The following RAB33A variants were observed in gnomAD, a reference collection of about 807,000 sequenced individuals.
RAB33A encodes the protein RAB33A, member RAS oncogene family.
RAB33A carries 6 observed loss-of-function variants against 12.0 expected under a neutral mutation model. The observed-to-expected ratio is 0.50, with a 90% CI of 0.27 to 0.99. The LOEUF (loss-of-function observed/expected upper bound fraction) is 0.99, where lower values mean the gene tolerates loss of function less well. RAB33A is among the 50% of genes least tolerant of loss of function. The pLI is 0.11. For missense variants in RAB33A, 109 were observed against 192.0 expected (o/e 0.57, Z 2.55); for synonymous variants, 70 against 82.4 (o/e 0.85, Z 0.81).
chrX:130,138,389 C>T, the RAB33A span, among the ~76,000 whole-genome samples: 4 of 110,537 alleles, frequency 3.6e-5, no homozygotes, highest in Admixed American at 2.9e-4. Flanking sequence ...GGCCTGAACC[C>T]GGGAAGCGGA....
the RAB33A span, among the ~76,000 whole-genome samples, chrX:130,141,984 CCTT>C: frequency 8.9e-6 from 1 of 111,906 alleles, no homozygotes; most frequent in Non-Finnish European, 1.9e-5. Flanking sequence ...GCACCCTACT[CCTT>C]CTTATGGTTA....
chrX:130,166,169 T>C, the RAB33A span, among the ~76,000 whole-genome samples: 54 of 111,851 alleles, frequency 4.8e-4, no homozygotes, highest in African/African-American at 1.7e-3. Context: ...AGTTACTTGA[T>C]ACCGAAGCCT....
chrX:130,155,038 A>T, the RAB33A span: 5 of 946,030 alleles, frequency 5.3e-6, no homozygotes, highest in Non-Finnish European at 7.5e-6. Context: ...CCTTTAATAA[A>T]CACCTAGAGA....
At chrX:130,140,761 A>T in the RAB33A span, 1 of 507,876 alleles carries the variant, frequency 2.0e-6, no homozygotes, top group Non-Finnish European at 3.5e-6. Flanking sequence ...TTGTGCCACC[A>T]TCACCACTAT....
chrX:130,127,088 G>GA, the RAB33A span, among the ~76,000 whole-genome samples: 1 of 111,400 alleles, frequency 9.0e-6, no homozygotes, highest in Non-Finnish European at 1.9e-5. Flanking sequence ...AAGTCAGGCG[G>GA]AAAGTCAGCC....
the RAB33A span, among the ~76,000 whole-genome samples, chrX:130,111,002 G>T: frequency 2.1e-5 from 2 of 97,422 alleles, no homozygotes; most frequent in Non-Finnish European, 4.2e-5. Flanking sequence ...ACTGCGGGCG[G>T]GCGGGGTGGG....
At chrX:130,131,173 A>T in the RAB33A span, among the ~76,000 whole-genome samples, 3 of 111,393 alleles carry the variant, frequency 2.7e-5, no homozygotes, top group African/African-American at 9.8e-5. Context: ...TGGCACTAAG[A>T]TCTGCCAAAT....
rs185601579 is a variant in RAB33A, at chrX:130,172,883, G to A, written c.258+563G>A. Among the ~76,000 whole-genome samples the A allele has an allele frequency of 1.3e-3, 144 of 112,422 alleles. 1 individual carries two copies. The South Asian group carries it at 0.013, about 10-fold the overall frequency. On this transcript the variant is annotated intron_variant, in intron 1 of 1. Transcript: ENST00000257017. ...AGTTGAGATGGCGGTGGAGTGGGGT[G>A]GTTCTGGCAGAAAGCCATGAGCCCT... is the stretch of plus-strand genomic sequence containing the variant.
chrX:130,138,836 A>G, the RAB33A span: 2 of 483,924 alleles, frequency 4.1e-6, no homozygotes, highest in Non-Finnish European at 7.3e-6. Flanking sequence ...TATAACTTCT[A>G]TGTTATTAAT....
intron 1 of RAB33A, among the ~76,000 whole-genome samples, chrX:130,183,202 C>T (rs1347962841): frequency 9.2e-6 from 1 of 108,668 alleles, no homozygotes; most frequent in Admixed American, 9.8e-5. Context: ...GCCACTGTAC[C>T]TGACCCCACT....
chrX:130,149,898 A>T, the RAB33A span, among the ~76,000 whole-genome samples: 1 of 112,329 alleles, frequency 8.9e-6, no homozygotes, highest in Non-Finnish European at 1.9e-5. Context: ...AAAGTGCTAG[A>T]AAGGGCTAAT....
chrX:130,141,848 CTCAG>C, the RAB33A span, among the ~76,000 whole-genome samples: 5 of 111,981 alleles, frequency 4.5e-5, no homozygotes, highest in African/African-American at 1.6e-4. Flanking sequence ...TCAGCTTTCG[CTCAG>C]TCTGTCTCCT....
chrX:130,170,452 A>C (rs2031592863), upstream of RAB33A, among the ~76,000 whole-genome samples: 1 of 112,528 alleles, frequency 8.9e-6, no homozygotes, highest in African/African-American at 3.2e-5. Context: ...ACCTTAGCTT[A>C]TGAAATATGT....
At chrX:130,167,028 G>A (rs2031544733), upstream of RAB33A, among the ~76,000 whole-genome samples, 3 of 112,338 alleles carry the variant, frequency 2.7e-5, no homozygotes, top group South Asian at 1.1e-3. Flanking sequence ...GCCGGACAGA[G>A]CAAGAGAGAA....
At chrX:130,140,445 A>T in the RAB33A span, 4 of 788,225 alleles carry the variant, frequency 5.1e-6, no homozygotes, top group South Asian at 2.1e-5. Context: ...CCATTTTCTT[A>T]AGTAGTAATG....
At chrX:130,132,566 A>T in the RAB33A span, among the ~76,000 whole-genome samples, 23 of 112,024 alleles carry the variant, frequency 2.1e-4, no homozygotes, top group Admixed American at 1.9e-4. Context: ...TAACTTTTAA[A>T]AACTTTTTAT....
the RAB33A span, among the ~76,000 whole-genome samples, chrX:130,119,204 G>A: frequency 9.0e-6 from 1 of 110,507 alleles, no homozygotes; most frequent in Non-Finnish European, 1.9e-5. Context: ...CAGGGGCTTC[G>A]GTTCCTCCCA....
At chrX:130,154,073 A>G in the RAB33A span, among the ~76,000 whole-genome samples, 6 of 112,734 alleles carry the variant, frequency 5.3e-5, no homozygotes, top group Admixed American at 9.4e-5. Flanking sequence ...AAAACTGTAC[A>G]TAACAGTTCA....
the RAB33A span, among the ~76,000 whole-genome samples, chrX:130,162,850 T>C: frequency 3.8e-4 from 43 of 112,187 alleles, no homozygotes; most frequent in African/African-American, 1.2e-3. Context: ...ATCTAACCTA[T>C]CTGCTCCTCT....
Sources: allele counts gnomAD v4.1 joint callset (sites outside exome capture counted in the v4.1 genomes callset), GRCh38; gene constraint gnomAD v4.1.1; transcripts MANE v1.5; gene names NCBI Gene and HGNC (gene_info 2026-07-23, HGNC 2026-07-21).